Variants in RALGAPA2 observed in about 807,000 individuals in gnomAD.
RALGAPA2 encodes the protein ral GTPase-activating protein subunit alpha-2.
A neutral mutation model predicts 230.4 loss-of-function variants in RALGAPA2; 139 were observed. The ratio of observed to expected loss-of-function variants is 0.60; its 90% CI spans 0.53 to 0.69. The LOEUF is 0.69. Ranked by LOEUF, RALGAPA2 falls within the 30% of genes least tolerant of loss-of-function variation. The probability of loss-of-function intolerance (pLI) is 0.00; values close to 1 mark genes in which losing one functional copy is unlikely to be tolerated. For missense variants in RALGAPA2, 2,163 were observed against 2,276.0 expected (o/e 0.95, Z 1.01); for synonymous variants, 847 against 837.8 (o/e 1.01, Z -0.19).
chr20:20,613,425 T>G (rs1401920542), intron 13 of RALGAPA2, among the ~76,000 whole-genome samples: 1 of 152,234 alleles, frequency 6.6e-6, no homozygotes, highest in Non-Finnish European at 1.5e-5. Flanking sequence ...TACAGTTCCC[T>G]GGCTACAGCC....
chr20:20,512,845 T>A lies in RALGAPA2; in HGVS notation c.4524A>T (p.Lys1508Asn), dbSNP rs1440061438. 1 of 1,613,410 alleles carries A rather than the reference T, an allele frequency of 6.2e-7. No individual in the cohort carries two copies. The highest frequency in any genetic ancestry group is 8.5e-7 in the Non-Finnish European group (1 of 1,179,432). Reference sequence around the variant, plus strand: ...CCCCCTCCTCAACTTGAGAAGAGTCTTTCTGAGGTCCAAATGTGTCACGAT... The same window carrying A: ...CCCCCTCCTCAACTTGAGAAGAGTCATTCTGAGGTCCAAATGTGTCACGAT... ...SWHRDTFGPQ[K>N]DSSQVEEGDD... The change falls in exon 32 of 40, where the codon AAA (lysine) becomes AAT (asparagine). Residue 1508 changes from lysine to asparagine, a missense_variant. Physicochemically the swap from Lys to Asn is moderately conservative, Grantham distance 94. Transcript: ENST00000202677.
intron 37 of RALGAPA2, among the ~76,000 whole-genome samples, chr20:20,458,424 T>C (rs6046868): frequency 0.02 from 2,692 of 134,384 alleles, 144 homozygotes; most frequent in East Asian, 0.09. Context: ...ATATATAATA[T>C]ATATGTATTT....
chr20:20,552,181 T>C (rs1276775214), intron 23 of RALGAPA2, among the ~76,000 whole-genome samples: 1 of 152,182 alleles, frequency 6.6e-6, no homozygotes, highest in Non-Finnish European at 1.5e-5. Flanking sequence ...ATTACATATA[T>C]ATTATTCACT....
Position 20,584,902 on chromosome 20 carries a change from C to T in RALGAPA2, c.2493G>A (p.Leu831=), listed in dbSNP as rs374765305. 12 of 1,611,958 alleles carry T rather than the reference C, an allele frequency of 7.4e-6. No homozygotes were observed. The highest frequency in any genetic ancestry group is 9.3e-6 in the Non-Finnish European group (11 of 1,178,748). Residue 831 remains leucine, a synonymous_variant, in exon 19 of 40, where the codon TTG becomes TTA. Transcript: ENST00000202677. ...CCCTACATTTTCCTTGTGTCTGCTGCAAATCATCTTTCAAATCCAATTCAG... is the reference window on the plus strand; with the variant it reads ...CCCTACATTTTCCTTGTGTCTGCTGTAAATCATCTTTCAAATCCAATTCAG... ...SPAELDLKDD[L]QQTQGKCRER... is the part of the protein sequence containing the mutation.
intron 37 of RALGAPA2, among the ~76,000 whole-genome samples, chr20:20,463,863 C>T (rs1370718528): frequency 6.6e-6 from 1 of 151,994 alleles, no homozygotes; most frequent in Non-Finnish European, 1.5e-5. Context: ...CAGCAAATAC[C>T]CTCTTGCATG....
rs1266819231 is a variant in RALGAPA2, at chr20:20,643,590, A to G, written c.329-41T>C. The G allele has an allele frequency of 2.2e-6, 3 of 1,364,006 alleles. No homozygotes were observed. In the East Asian group the frequency reaches 7.9e-5, roughly 36 times the overall value. The allele number at this position is 1,364,006 out of a possible 1,614,324, so 84.5% of individuals were successfully genotyped here. A position where few individuals can be genotyped will look rare whatever the true frequency, so the allele number is the denominator to read the frequency against. On this transcript the variant is annotated intron_variant, in intron 4 of 39. Transcript: ENST00000202677. ...AATGAATTATAAATAGAGTATATAA[A>G]TGCATATCAAAGATCTATTTTAAGA...
chr20:20,628,133 A>C (rs2066548869), intron 10 of RALGAPA2, among the ~76,000 whole-genome samples: 1 of 152,168 alleles, frequency 6.6e-6, no homozygotes, highest in Non-Finnish European at 1.5e-5. Context: ...TCTTCATTAA[A>C]ATGAAAATAT....
chr20:20,416,749 C>A (rs1285456183), intron 37 of RALGAPA2, among the ~76,000 whole-genome samples: 4 of 152,190 alleles, frequency 2.6e-5, no homozygotes, highest in African/African-American at 9.7e-5. Context: ...TTGTTTAGCA[C>A]TATCAAGCTT....
chr20:20,526,148 T>C (rs1602653085), intron 28 of RALGAPA2, 104 bp downstream of exon 28: 2 of 893,872 alleles, frequency 2.2e-6, no homozygotes, highest in Non-Finnish European at 3.4e-6. Flanking sequence ...GGCAATTTAA[T>C]AGTTGGTTCT....
chr20:20,400,471 A>C (rs138135555), intron 38 of RALGAPA2, among the ~76,000 whole-genome samples: 5 of 152,286 alleles, frequency 3.3e-5, no homozygotes, highest in Non-Finnish European at 7.3e-5. Context: ...TTGGTAAAAA[A>C]AATTTTCCTG....
intron 15 of RALGAPA2, among the ~76,000 whole-genome samples, chr20:20,603,493 C>A (rs918948079): frequency 9.2e-5 from 14 of 152,136 alleles, no homozygotes; most frequent in African/African-American, 3.4e-4. Flanking sequence ...TACTTGGTAG[C>A]AAAACTGAAC....
At chr20:20,556,376 C>T (rs895556919) in intron 23 of RALGAPA2, among the ~76,000 whole-genome samples, 15 of 152,130 alleles carry the variant, frequency 9.9e-5, no homozygotes, top group Non-Finnish European at 1.8e-4. Context: ...AGGGAGATGG[C>T]AAACCTATTA....
chr20:20,546,564 G>A, intron 24 of RALGAPA2, 140 bp downstream of exon 24: 1 of 1,137,676 alleles, frequency 8.8e-7, no homozygotes, highest in Non-Finnish European at 1.2e-6. Context: ...TCACACATCA[G>A]CTGCCAGGGT....
chr20:20,499,660 G>C (rs1047871117), intron 35 of RALGAPA2, among the ~76,000 whole-genome samples: 1 of 152,184 alleles, frequency 6.6e-6, no homozygotes, highest in African/African-American at 2.4e-5. Flanking sequence ...CGTGGTCAGC[G>C]CTTCTGGCTG....
At chr20:20,614,472 T>C (rs1028182324) in intron 13 of RALGAPA2, among the ~76,000 whole-genome samples, 3 of 152,212 alleles carry the variant, frequency 2.0e-5, no homozygotes, top group Non-Finnish European at 4.4e-5. Context: ...GTTGAAAGCA[T>C]ATACCAGCAT....
intron 37 of RALGAPA2, among the ~76,000 whole-genome samples, chr20:20,469,704 AC>A (rs1246686237): frequency 6.6e-6 from 1 of 152,262 alleles, no homozygotes; most frequent in African/African-American, 2.4e-5. Context: ...AAGAATGAAA[AC>A]CTTGGCTCAA....
chr20:20,594,619 T>C (rs2065391378), intron 16 of RALGAPA2, among the ~76,000 whole-genome samples: 1 of 152,168 alleles, frequency 6.6e-6, no homozygotes, highest in Non-Finnish European at 1.5e-5. Flanking sequence ...CCAAATAATG[T>C]ACTCTCTCTA....
chr20:20,580,867 A>G (rs2064964165), intron 20 of RALGAPA2, among the ~76,000 whole-genome samples: 1 of 152,226 alleles, frequency 6.6e-6, no homozygotes, highest in South Asian at 2.1e-4. Flanking sequence ...GCATTTGATA[A>G]CTGGTAGGAT....
intron 37 of RALGAPA2, among the ~76,000 whole-genome samples, chr20:20,436,170 C>G (rs1172436852): frequency 6.6e-6 from 1 of 152,144 alleles, no homozygotes; most frequent in Admixed American, 6.5e-5. Context: ...ACATTGCTCC[C>G]TCTCTCTCAG....
Sources: gnomAD v4.1 joint callset for allele counts (sites outside exome capture counted in the v4.1 genomes callset) on GRCh38, gnomAD v4.1.1 for gene constraint, MANE v1.5 for transcripts, NCBI Gene and HGNC (gene_info 2026-07-23, HGNC 2026-07-21) for gene names.